The following NSUN7 variants were observed in gnomAD, a reference collection of about 807,000 sequenced individuals.
NSUN7 encodes the protein protein NSUN7.
Under a neutral mutation model 58.5 loss-of-function variants are expected in NSUN7, and 39 were observed. That is an observed-to-expected ratio of 0.67 (90% CI 0.52 to 0.87). The LOEUF (loss-of-function observed/expected upper bound fraction) is 0.87. NSUN7 is among the 40% of genes least tolerant of loss of function. NSUN7 has a pLI of 0.00. For synonymous variants in NSUN7, 278 were observed against 303.7 expected, an observed-to-expected ratio of 0.92 and a Z score of 0.88; for missense variants, 765 against 844.1, an observed-to-expected ratio of 0.91 and a Z score of 1.16.
At chr4:40,778,689 T>C (rs1195466285) in intron 7 of NSUN7, among the ~76,000 whole-genome samples, 1 of 152,218 alleles carries the variant, frequency 6.6e-6, no homozygotes, top group African/African-American at 2.4e-5. Flanking sequence ...ATGGCATTTG[T>C]TGTAGCAGCC....
intron 7 of NSUN7, among the ~76,000 whole-genome samples, chr4:40,785,551 G>A (rs1742777077): frequency 6.6e-6 from 1 of 151,958 alleles, no homozygotes; most frequent in Non-Finnish European, 1.5e-5. Context: ...AGTAGAGATA[G>A]GGTTTCACCA....
Position 40,774,324 on chromosome 4 carries a change from C to A in NSUN7, c.548C>A (p.Ser183Ter), listed in dbSNP as rs751174467. ...TGTCGAATCAAGCATGATGCCCTTT[C>A]AATTTACCACATCCTTCCAGAAACA... is the stretch of plus-strand genomic sequence containing the variant. ...ARCRIKHDAL[S>*]IYHILPETVR... is the part of the protein sequence containing the mutation. The change falls in exon 5 of 12, where the codon TCA becomes TAA. Residue 183 changes from serine (S) to a stop codon, truncating the protein, a stop_gained. Coordinates refer to ENST00000381782, the MANE Select transcript of NSUN7 (RefSeq NM_024677.6). LOFTEE classifies it high-confidence loss of function. 8.7e-6 allele frequency: 14 copies of A among 1,613,946 alleles called. No homozygotes were observed. Among genetic ancestry groups the A allele is most frequent in the Non-Finnish European group, 1.2e-5 (14 of 1,179,934 alleles).
Position 40,750,789 on chromosome 4 carries a change from C to T in NSUN7, c.96C>T (p.Ser32=), listed in dbSNP as rs1236300015. The stretch of plus-strand genomic sequence containing the variant: ...CCCTGCCTCTGTCCGGTGGGAAAAG[C>T]TCAGCTGGTGTGCCCGAAAAAACGG... The part of the protein sequence containing the change: ...LTSLPLSGGK[S]SAGVPEKTGY... Residue 32 remains serine, a synonymous_variant, in exon 2 of 12, where the codon AGC becomes AGT. Coordinates refer to ENST00000381782, the MANE Select transcript of NSUN7 (RefSeq NM_024677.6). The T allele has an allele frequency of 2.5e-6, 4 of 1,614,194 alleles. No individual in the cohort carries two copies. Among genetic ancestry groups the T allele is most frequent in the Non-Finnish European group, 3.4e-6 (4 of 1,180,036 alleles).
intron 7 of NSUN7, chr4:40,786,661 G>C: frequency 6.3e-7 from 1 of 1,582,968 alleles, no homozygotes; most frequent in African/African-American, 1.4e-5. Context: ...GAAACTACAT[G>C]ATATGATCAT....
chr4:40,755,697 C>T (rs1351974139), intron 2 of NSUN7, among the ~76,000 whole-genome samples: 2 of 152,176 alleles, frequency 1.3e-5, no homozygotes, highest in Non-Finnish European at 2.9e-5. Context: ...AGACCACCTC[C>T]AGATTCAATA....
At chr4:40,769,931 C>T (rs1741915716) in intron 4 of NSUN7, among the ~76,000 whole-genome samples, 1 of 152,180 alleles carries the variant, frequency 6.6e-6, no homozygotes, top group Admixed American at 6.5e-5. Flanking sequence ...CAATCAAGGT[C>T]AGGCGTGGTG....
At position 40,775,154 on chromosome 4, in the gene NSUN7, A is replaced by T; in HGVS notation, c.825+204A>T. 3.6e-6 allele frequency: 1 copy of T among 281,378 alleles called. No homozygotes were observed. The highest frequency in any genetic ancestry group is 6.6e-6 in the Non-Finnish European group (1 of 151,790). The allele number at this position is 281,378 out of a possible 1,614,324, so 17.4% of individuals were successfully genotyped here. On this transcript the variant is annotated intron_variant, in intron 6 of 11. Coordinates refer to ENST00000381782, the MANE Select transcript of NSUN7 (RefSeq NM_024677.6). The surrounding 1 kb of genome is among the most constrained non-coding windows in gnomAD (Gnocchi z 4.3). ...CGTCTTTGTCTCATGTGAATTTATAAAGAACATATTCTTCTCCCAGATTCC... is the reference window on the plus strand; with the variant it reads ...CGTCTTTGTCTCATGTGAATTTATATAGAACATATTCTTCTCCCAGATTCC...
chr4:40,806,258 G>A (rs567422771), intron 10 of NSUN7, among the ~76,000 whole-genome samples: 1 of 152,298 alleles, frequency 6.6e-6, no homozygotes, highest in South Asian at 2.1e-4. Flanking sequence ...GCCTCCCAAA[G>A]TGCTGGGATT....
rs1395637618 is a variant in NSUN7 at position 40,803,119 on chromosome 4, T to C, written c.1401-3942T>C. Among the ~76,000 whole-genome samples, 4 of 152,158 alleles carry C rather than the reference T, an allele frequency of 2.6e-5. No individual in the cohort carries two copies. The East Asian group carries it at 7.7e-4, about 29-fold the overall frequency. On this transcript the variant is annotated intron_variant, in intron 10 of 11. Coordinates refer to ENST00000381782, the MANE Select transcript of NSUN7 (RefSeq NM_024677.6). ...TGTCCCTACAAAGGACATGAACTCA[T>C]CATTTTTTATGGCTGTATAGTATTC...
At chr4:40,757,740 ACAC>A in intron 2 of NSUN7, among the ~76,000 whole-genome samples, 1 of 149,188 alleles carries the variant, frequency 6.7e-6, no homozygotes, top group African/African-American at 2.5e-5. Context: ...ACACACACAC[ACAC>A]ACACACATAC....
At position 40,806,120 on chromosome 4, in the gene NSUN7, G is replaced by A. The variant is rs367595592; in HGVS notation, c.1401-941G>A. Among the ~76,000 whole-genome samples, 366 of 152,038 alleles carry A rather than the reference G, an allele frequency of 2.4e-3. 2 individuals carry two copies. The highest frequency in any genetic ancestry group is 8.2e-3 in the African/African-American group (338 of 41,472). On this transcript the variant is annotated intron_variant, in intron 10 of 11. Coordinates refer to ENST00000381782, the MANE Select transcript of NSUN7 (RefSeq NM_024677.6). ...AGCAATTCTCTTGCCTCAGCCTCCC[G>A]AGTAGCTGGGATTACAGGAGTCTGC... is the stretch of plus-strand genomic sequence containing the variant.
chr4:40,789,158 G>GT (rs762124389), intron 7 of NSUN7, among the ~76,000 whole-genome samples: 1 of 152,132 alleles, frequency 6.6e-6, no homozygotes, highest in Non-Finnish European at 1.5e-5. Context: ...AAAGGAAAAA[G>GT]TATTGGTCTT....
rs779467299 is a variant in NSUN7, at chr4:40,810,695, T to G, written c.*1756T>G. ...AGAAGAATTCTTCATGTTATCACTC[T>G]TGTACAGAAAGATATAAAGTGCTCA... On this transcript the variant is annotated 3_prime_UTR_variant, in exon 12 of 12. Transcript: ENST00000381782. The G allele has an allele frequency of 6.6e-6, 1 of 152,152 alleles. No individual in the cohort carries two copies. The highest frequency in any genetic ancestry group is 1.5e-5 in the Non-Finnish European group (1 of 68,010). 9.4% of individuals were successfully genotyped at this position (152,152 alleles called of 1,614,324 possible). A position where few individuals can be genotyped will look rare whatever the true frequency, so the allele number is the denominator to read the frequency against.
At chr4:40,778,056 G>T (rs1742353486) in intron 7 of NSUN7, among the ~76,000 whole-genome samples, 1 of 152,152 alleles carries the variant, frequency 6.6e-6, no homozygotes, top group South Asian at 2.1e-4. Flanking sequence ...AAATAAATGA[G>T]ATATGGATTT....
In NSUN7 at chr4:40,809,878, G is replaced by C. The variant is rs969369236; in HGVS notation, c.*939G>C. ...ATTATATTAAATGTCGATTCATCTT[G>C]AATGTATTCTCAATTGCCTACCAAA... On this transcript the variant is annotated 3_prime_UTR_variant, in exon 12 of 12. Coordinates refer to ENST00000381782, the MANE Select transcript of NSUN7 (RefSeq NM_024677.6). The C allele has an allele frequency of 6.6e-6, 1 of 152,150 alleles. No individual in the cohort carries two copies. Among genetic ancestry groups the C allele is most frequent in the Admixed American group, 6.5e-5 (1 of 15,278 alleles). The allele number at this position is 152,150 out of a possible 1,614,324, so 9.4% of individuals were successfully genotyped here.
chr4:40,792,392 A>G (rs1743109317), intron 8 of NSUN7, among the ~76,000 whole-genome samples: 1 of 152,122 alleles, frequency 6.6e-6, no homozygotes, highest in South Asian at 2.1e-4. Context: ...GGAAAGGAAA[A>G]CATTTCCTAG....
intron 7 of NSUN7, among the ~76,000 whole-genome samples, chr4:40,780,856 G>C (rs1275562623): frequency 8.9e-6 from 1 of 112,872 alleles, no homozygotes; most frequent in Non-Finnish European, 1.6e-5. Flanking sequence ...GTCTCGCTCT[G>C]TCGCCCAGGC....
intron 5 of NSUN7, 73 bp downstream of exon 5, chr4:40,774,490 C>CT: frequency 6.8e-7 from 1 of 1,471,930 alleles, no homozygotes; most frequent in South Asian, 1.2e-5. Context: ...GAAGCATTAC[C>CT]TTTTTAAGAG....
intron 7 of NSUN7, among the ~76,000 whole-genome samples, chr4:40,790,270 A>G (rs1279164111): frequency 6.6e-6 from 1 of 152,212 alleles, no homozygotes; most frequent in Non-Finnish European, 1.5e-5. Flanking sequence ...ATTAAAATGC[A>G]CAGCTAGTAA....
Sources: allele counts gnomAD v4.1 joint callset (sites outside exome capture counted in the v4.1 genomes callset), GRCh38; gene constraint gnomAD v4.1.1; non-coding constraint Gnocchi (gnomAD v3.1); transcripts MANE v1.5; gene names NCBI Gene and HGNC (gene_info 2026-07-23, HGNC 2026-07-21).